The following KCNIP1 variants were observed in gnomAD, a reference collection of about 807,000 sequenced individuals.
KCNIP1 encodes A-type potassium channel modulatory protein KCNIP1.
Under a neutral mutation model 33.0 loss-of-function variants are expected in KCNIP1, and 18 were observed. The observed-to-expected ratio is 0.55, with a 90% CI of 0.38 to 0.81. The LOEUF (loss-of-function observed/expected upper bound fraction) is 0.81. Ranked by LOEUF, KCNIP1 falls within the 30% of genes least tolerant of loss-of-function variation. KCNIP1 has a pLI of 0.00. For synonymous variants in KCNIP1, 93 were observed against 98.3 expected (o/e 0.95, Z 0.32); for missense variants, 238 against 271.6 (o/e 0.88, Z 0.87).
intron 1 of KCNIP1, among the ~76,000 whole-genome samples, chr5:170,662,088 C>T (rs1761521053): frequency 6.6e-6 from 1 of 152,194 alleles, no homozygotes. Context: ...TGTAGACACA[C>T]TGTAGGTAGC....
intron 1 of KCNIP1, among the ~76,000 whole-genome samples, chr5:170,644,847 G>T (rs1422316833): frequency 1.3e-5 from 2 of 152,218 alleles, no homozygotes; most frequent in Non-Finnish European, 2.9e-5. Context: ...CAACTCTCAG[G>T]CCTCCAGTGG....
intron 1 of KCNIP1, among the ~76,000 whole-genome samples, chr5:170,468,176 A>G (rs1162742037): frequency 6.6e-6 from 1 of 152,196 alleles, no homozygotes; most frequent in African/African-American, 2.4e-5. Flanking sequence ...AAAAGAATTT[A>G]AGCCTTGCCG....
intron 1 of KCNIP1, among the ~76,000 whole-genome samples, chr5:170,363,862 T>C (rs574480423): frequency 6.6e-5 from 10 of 152,152 alleles, no homozygotes; most frequent in Admixed American, 2.6e-4. Flanking sequence ...ACTAAACCCT[T>C]CCCCATTTCT....
At chr5:170,468,064 T>C (rs544589679) in intron 1 of KCNIP1, among the ~76,000 whole-genome samples, 11 of 152,328 alleles carry the variant, frequency 7.2e-5, no homozygotes, top group African/African-American at 2.2e-4. Flanking sequence ...GAGTCATATA[T>C]GAACTTTTCC....
rs1754619049 is a variant in KCNIP1, at chr5:170,504,327, G to C, written c.-246G>C. 5.8e-6 allele frequency: 8 copies of C among 1,367,968 alleles called. No homozygotes were observed. Among genetic ancestry groups the C allele is most frequent in the Non-Finnish European group, 7.5e-6 (8 of 1,065,338 alleles). 84.7% of individuals were successfully genotyped at this position (1,367,968 alleles called of 1,614,324 possible). ...GGGAACCGCCGGGCCGGGTCCTCGC[G>C]CGGGGAAGCGGTTCCGAAGGCTCGC... On this transcript the variant is annotated 5_prime_UTR_variant, in exon 1 of 8. Coordinates refer to ENST00000328939, the MANE Select transcript of KCNIP1 (RefSeq NM_014592.4). The surrounding 1 kb of genome is among the most constrained non-coding windows in gnomAD (Gnocchi z 6.0).
chr5:170,510,773 C>A (rs536282387), intron 1 of KCNIP1, among the ~76,000 whole-genome samples: 1 of 152,270 alleles, frequency 6.6e-6, no homozygotes, highest in South Asian at 2.1e-4. Flanking sequence ...GAAGTAGGAA[C>A]CACATTCCAC....
chr5:170,482,042 G>GA (rs1276347977), intron 1 of KCNIP1, among the ~76,000 whole-genome samples: 1 of 152,216 alleles, frequency 6.6e-6, no homozygotes, highest in Non-Finnish European at 1.5e-5. Flanking sequence ...AAGATTAACA[G>GA]AATGTTGGCT....
chr5:170,422,527 G>C (rs1329586524), intron 1 of KCNIP1: 4 of 148,790 alleles, frequency 2.7e-5, no homozygotes, highest in Non-Finnish European at 4.5e-5. Context: ...AAGGTGCTCA[G>C]CTGGCTAACC....
intron 1 of KCNIP1, among the ~76,000 whole-genome samples, chr5:170,528,872 G>C (rs1755682038): frequency 6.6e-6 from 1 of 152,198 alleles, no homozygotes; most frequent in Admixed American, 6.5e-5. Flanking sequence ...GTAATGGTCT[G>C]AGTTTGAGGA....
At chr5:170,456,193 G>A (rs1250832274) in intron 1 of KCNIP1, among the ~76,000 whole-genome samples, 1 of 152,124 alleles carries the variant, frequency 6.6e-6, no homozygotes, top group East Asian at 1.9e-4. Flanking sequence ...ATCATTCTCA[G>A]CAAACTGACA....
chr5:170,468,056 G>A (rs2113126046), intron 1 of KCNIP1, among the ~76,000 whole-genome samples: 1 of 152,106 alleles, frequency 6.6e-6, no homozygotes, highest in East Asian at 1.9e-4. Flanking sequence ...GCCTTTCAGA[G>A]TCATATATGA....
intron 1 of KCNIP1, among the ~76,000 whole-genome samples, chr5:170,512,511 C>T (rs1754974995): frequency 6.6e-6 from 1 of 152,208 alleles, no homozygotes; most frequent in Admixed American, 6.5e-5. Context: ...AACTCATTAG[C>T]TGTGTGACAT....
At chr5:170,356,311 A>G (rs1176727480) in intron 1 of KCNIP1, among the ~76,000 whole-genome samples, 2 of 152,198 alleles carry the variant, frequency 1.3e-5, no homozygotes, top group Non-Finnish European at 1.5e-5. Flanking sequence ...TGAGGAATGT[A>G]AAGAATGTGT....
intron 1 of KCNIP1, among the ~76,000 whole-genome samples, chr5:170,622,494 C>T (rs1759641315): frequency 6.6e-6 from 1 of 151,914 alleles, no homozygotes; most frequent in Admixed American, 6.6e-5. Context: ...TGGTGGTGAG[C>T]ACCCATAATC....
At chr5:170,503,969 C>T, upstream of KCNIP1, 1 of 854,466 alleles carries the variant, frequency 1.2e-6, no homozygotes, top group Non-Finnish European at 1.4e-6. Flanking sequence ...CCGCCCCGCC[C>T]CTCCGTAGTT....
At chr5:170,565,703 T>C (rs1274492300) in intron 1 of KCNIP1, among the ~76,000 whole-genome samples, 1 of 152,340 alleles carries the variant, frequency 6.6e-6, no homozygotes, top group East Asian at 1.9e-4. Context: ...TAGGAAAAAC[T>C]AGGATTTTTA....
intron 1 of KCNIP1, among the ~76,000 whole-genome samples, chr5:170,539,468 G>T (rs1180288938): frequency 3.3e-5 from 5 of 152,226 alleles, no homozygotes; most frequent in South Asian, 2.1e-4. Context: ...CTGCCCGTGG[G>T]TTGCAATTTT....
At chr5:170,358,672 A>G (rs967435268) in intron 1 of KCNIP1, among the ~76,000 whole-genome samples, 2 of 152,068 alleles carry the variant, frequency 1.3e-5, no homozygotes, top group African/African-American at 4.8e-5. Context: ...GCAAATCCCA[A>G]CTCTGCTCTT....
intron 1 of KCNIP1, among the ~76,000 whole-genome samples, chr5:170,451,723 T>TGTGTGTGTATGTGTG (rs1756255311): frequency 8.1e-6 from 1 of 122,902 alleles, no homozygotes; most frequent in African/African-American, 3.2e-5. Context: ...TTCTCCTGCA[T>TGTGTGTGTATGTGTG]TGTGTGTGTG....
Sources: gnomAD v4.1 joint callset for allele counts (sites outside exome capture counted in the v4.1 genomes callset) on GRCh38, gnomAD v4.1.1 for gene constraint, Gnocchi (gnomAD v3.1) non-coding constraint, MANE v1.5 for transcripts, NCBI Gene and HGNC (gene_info 2026-07-23, HGNC 2026-07-21) for gene names.